DIAPH2: variants seen among roughly 807,000 people sequenced by gnomAD.
DIAPH2 encodes the protein diaphanous related formin 2, also known as protein diaphanous homolog 2.
In DIAPH2, 35 loss-of-function variants were observed where a neutral mutation model predicts 92.7. That is an observed-to-expected ratio of 0.38 (90% CI 0.29 to 0.50). The LOEUF (loss-of-function observed/expected upper bound fraction) is 0.50. Ranked by LOEUF, DIAPH2 falls within the 20% of genes least tolerant of loss-of-function variation. The pLI is 0.94. For synonymous variants in DIAPH2, 301 were observed against 280.4 expected, an observed-to-expected ratio of 1.07 and a Z score of -0.73; for missense variants, 701 against 819.5, an observed-to-expected ratio of 0.86 and a Z score of 1.77.
intron 22 of DIAPH2, among the ~76,000 whole-genome samples, chrX:97,158,740 G>A (rs996943283): frequency 8.0e-5 from 9 of 112,012 alleles, no homozygotes; most frequent in Non-Finnish European, 1.1e-4. Flanking sequence ...ACTTTAAATG[G>A]CTTTGCAAAT....
Position 96,720,790 on chromosome X carries a change from G to A in DIAPH2, c.133-14968G>A, listed in dbSNP as rs141517355. The stretch of plus-strand genomic sequence containing the variant: ...CCAGAGAGCTTGCAACAAACCACTC[G>A]GTTATAAATGGGTATTTCTGAAGTA... On this transcript the variant is annotated intron_variant, in intron 1 of 26. Transcript: ENST00000324765. Among the ~76,000 whole-genome samples the A allele has an allele frequency of 2.6e-3, 287 of 111,410 alleles. 2 individuals are homozygous for A. Among genetic ancestry groups the A allele is most frequent in the African/African-American group, 8.8e-3 (270 of 30,738 alleles).
chrX:97,200,661 G>A (rs772775484), intron 22 of DIAPH2, among the ~76,000 whole-genome samples: 99 of 112,088 alleles, frequency 8.8e-4, no homozygotes, highest in African/African-American at 3.0e-3. Flanking sequence ...CCAGTCAGGG[G>A]CTTACAGATA....
chrX:97,573,912 C>T lies in DIAPH2; in HGVS notation c.3242-25341C>T, dbSNP rs143858933. The stretch of plus-strand genomic sequence containing the variant: ...CTGACCTCAGGTGATCCACCCACCT[C>T]GGCCTCCCAAAGTGCTGGAATTACA... On this transcript the variant is annotated intron_variant, in intron 26 of 26. Coordinates refer to ENST00000324765, the MANE Select transcript of DIAPH2 (RefSeq NM_006729.5). Among the ~76,000 whole-genome samples, 413 of 111,177 alleles carry T rather than the reference C, an allele frequency of 3.7e-3. 2 individuals carry two copies. Among genetic ancestry groups the T allele is most frequent in the African/African-American group, 0.013 (389 of 30,623 alleles).
intron 5 of DIAPH2, among the ~76,000 whole-genome samples, chrX:96,906,431 G>A (rs767171775): frequency 8.9e-6 from 1 of 112,331 alleles, no homozygotes; most frequent in Non-Finnish European, 1.9e-5. Flanking sequence ...TGGACTAGAA[G>A]ATTCAAACAA....
chrX:97,584,081 C>T (rs2071463057), intron 26 of DIAPH2, among the ~76,000 whole-genome samples: 1 of 112,482 alleles, frequency 8.9e-6, no homozygotes, highest in Non-Finnish European at 1.9e-5. Context: ...TCTGGCACTC[C>T]CTAGTGAGAT....
At chrX:97,075,553 G>T in intron 19 of DIAPH2, among the ~76,000 whole-genome samples, 1 of 111,363 alleles carries the variant, frequency 9.0e-6, no homozygotes, top group Non-Finnish European at 1.9e-5. Flanking sequence ...ACAATTACAT[G>T]TACTTCATCA....
At chrX:96,908,956 A>G (rs2065452209) in intron 5 of DIAPH2, among the ~76,000 whole-genome samples, 1 of 111,544 alleles carries the variant, frequency 9.0e-6, no homozygotes, top group African/African-American at 3.3e-5. Context: ...TATGGTTGGG[A>G]GGGCATGTAA....
At chrX:97,313,139 C>T (rs1207161734) in intron 23 of DIAPH2, among the ~76,000 whole-genome samples, 1 of 110,664 alleles carries the variant, frequency 9.0e-6, no homozygotes, top group Non-Finnish European at 1.9e-5. Flanking sequence ...GATCCGAGAT[C>T]GCGCCACTGC....
intron 22 of DIAPH2, among the ~76,000 whole-genome samples, chrX:97,212,652 A>G (rs1312576360): frequency 9.8e-6 from 1 of 102,208 alleles, no homozygotes; most frequent in Admixed American, 1.1e-4. Flanking sequence ...TGGGTGAGTC[A>G]GGTCATCCAT....
At chrX:97,503,075 G>A (rs2070809570) in intron 26 of DIAPH2, among the ~76,000 whole-genome samples, 1 of 112,282 alleles carries the variant, frequency 8.9e-6, no homozygotes, top group African/African-American at 3.2e-5. Context: ...TTGTAAATGT[G>A]ATAAACTTCT....
chrX:97,046,508 G>A (rs1692453137), intron 17 of DIAPH2, among the ~76,000 whole-genome samples: 2 of 111,773 alleles, frequency 1.8e-5, no homozygotes, highest in Admixed American at 1.9e-4. Flanking sequence ...GGATTGATGT[G>A]AAGTGAATCA....
At chrX:97,454,412 G>A (rs751101606) in intron 26 of DIAPH2, among the ~76,000 whole-genome samples, 22 of 111,387 alleles carry the variant, frequency 2.0e-4, no homozygotes, top group South Asian at 3.8e-4. Flanking sequence ...ATATATATAC[G>A]CAGCTGCTAA....
chrX:96,873,995 G>A (rs2065161892), intron 4 of DIAPH2, among the ~76,000 whole-genome samples: 1 of 111,866 alleles, frequency 8.9e-6, no homozygotes, highest in African/African-American at 3.2e-5. Context: ...TATAACTCAA[G>A]TAATTTTGAA....
chrX:97,212,923 T>TTA (rs2067852762), intron 22 of DIAPH2, among the ~76,000 whole-genome samples: 1 of 111,901 alleles, frequency 8.9e-6, no homozygotes, highest in Non-Finnish European at 1.9e-5. Flanking sequence ...AAGTCATTGG[T>TTA]TAAATAGTTG....
At chrX:96,829,494 T>TTTTG (rs2064837075) in intron 4 of DIAPH2, among the ~76,000 whole-genome samples, 1 of 109,436 alleles carries the variant, frequency 9.1e-6, no homozygotes, top group Admixed American at 9.8e-5. Context: ...TGTGTGGTTT[T>TTTTG]TTTGTTTGTT....
At chrX:97,137,799 A>G (rs2067183431) in intron 21 of DIAPH2, among the ~76,000 whole-genome samples, 1 of 111,879 alleles carries the variant, frequency 8.9e-6, no homozygotes, top group South Asian at 3.7e-4. Flanking sequence ...TGCAAAATCA[A>G]GAACTTTTCT....
At chrX:96,865,109 G>C (rs980168413) in intron 4 of DIAPH2, among the ~76,000 whole-genome samples, 1 of 111,915 alleles carries the variant, frequency 8.9e-6, no homozygotes, top group African/African-American at 3.2e-5. Context: ...AGTGAAGAGG[G>C]ACAGATAGTC....
chrX:97,596,138 C>A (rs1409542694), intron 26 of DIAPH2, among the ~76,000 whole-genome samples: 1 of 111,950 alleles, frequency 8.9e-6, no homozygotes, highest in Non-Finnish European at 1.9e-5. Flanking sequence ...AGGCTTATTG[C>A]TGCATTAAGG....
intron 17 of DIAPH2, among the ~76,000 whole-genome samples, chrX:96,996,628 A>C (rs761349760): frequency 1.8e-5 from 2 of 112,113 alleles, no homozygotes; most frequent in South Asian, 7.4e-4. Context: ...CTAGTTCATT[A>C]AATATTGCCT....
Sources: gnomAD v4.1 joint callset for allele counts (sites outside exome capture counted in the v4.1 genomes callset) on GRCh38, gnomAD v4.1.1 for gene constraint, MANE v1.5 for transcripts, NCBI Gene and HGNC (gene_info 2026-07-23, HGNC 2026-07-21) for gene names.